OXR1: variants seen among roughly 807,000 people sequenced by gnomAD.
OXR1 encodes the protein oxidation resistance protein 1.
In OXR1, 41 loss-of-function variants were observed where a neutral mutation model predicts 104.6. The observed-to-expected ratio is 0.39, with a 90% CI of 0.31 to 0.51. The LOEUF (loss-of-function observed/expected upper bound fraction) is 0.51, where lower values mean the gene tolerates loss of function less well. OXR1 is among the 20% of genes least tolerant of loss of function. The pLI, the probability that OXR1 is intolerant of heterozygous loss-of-function variation, is 0.77. For missense variants in OXR1, 955 were observed against 1,031.9 expected, an observed-to-expected ratio of 0.93 and a Z score of 1.02; for synonymous variants, 348 against 348.4, an observed-to-expected ratio of 1.00 and a Z score of 0.01.
At chr8:106,721,109 A>C (rs1376841018) in intron 11 of OXR1, among the ~76,000 whole-genome samples, 2 of 151,984 alleles carry the variant, frequency 1.3e-5, no homozygotes, top group Non-Finnish European at 2.9e-5. Context: ...TCATTGTGTC[A>C]CATGTTCAGT....
At chr8:106,434,928 G>A (rs1031965863) in intron 2 of OXR1, among the ~76,000 whole-genome samples, 5 of 152,094 alleles carry the variant, frequency 3.3e-5, no homozygotes, top group Non-Finnish European at 5.9e-5. Context: ...GCGTTTCAAT[G>A]AGAGAGCATC....
At chr8:106,365,180 T>G (rs1237917682) in intron 2 of OXR1, among the ~76,000 whole-genome samples, 1 of 152,270 alleles carries the variant, frequency 6.6e-6, no homozygotes, top group Non-Finnish European at 1.5e-5. Context: ...TTCTAATTTT[T>G]TTTTAAAAGG....
intron 3 of OXR1, among the ~76,000 whole-genome samples, chr8:106,524,685 G>T (rs1232773493): frequency 6.6e-6 from 1 of 152,162 alleles, no homozygotes; most frequent in Non-Finnish European, 1.5e-5. Flanking sequence ...CGTATGCGTT[G>T]GGAAAGAGCG....
intron 1 of OXR1, among the ~76,000 whole-genome samples, chr8:106,288,619 T>C (rs1812607408): frequency 6.7e-6 from 1 of 148,600 alleles, no homozygotes; most frequent in Non-Finnish European, 1.5e-5. Flanking sequence ...TATATTTATA[T>C]ACACATACAT....
intron 6 of OXR1, among the ~76,000 whole-genome samples, chr8:106,689,326 G>T (rs1829052395): frequency 2.0e-5 from 3 of 151,928 alleles, no homozygotes; most frequent in Admixed American, 2.0e-4. Flanking sequence ...GTCTTCACAT[G>T]GTGGTCTCTT....
chr8:106,298,040 C>A (rs186917023), intron 1 of OXR1, among the ~76,000 whole-genome samples: 20 of 152,090 alleles, frequency 1.3e-4, no homozygotes, highest in Non-Finnish European at 2.6e-4. Context: ...CAATAAAATT[C>A]GGCTGGTAGT....
chr8:106,461,479 C>T (rs998951804), intron 2 of OXR1, among the ~76,000 whole-genome samples: 4 of 152,026 alleles, frequency 2.6e-5, no homozygotes, highest in Non-Finnish European at 4.4e-5. Flanking sequence ...GCAGGAGAAT[C>T]ACTTGAACCC....
Position 106,629,099 on chromosome 8 carries a change from C to T in OXR1, c.221-50111C>T, listed in dbSNP as rs181700548. ...TTTTACTTCATTCCTCTCCCCCACC[C>T]TCCAAACTTGAGAGATTGTCTTGCC... On this transcript the variant is annotated intron_variant, in intron 3 of 16. Coordinates refer to ENST00000517566, the MANE Select transcript of OXR1 (RefSeq NM_001198533.2). Among the ~76,000 whole-genome samples the T allele has an allele frequency of 1.3e-4, 20 of 152,280 alleles. No individual in the cohort carries two copies. In the East Asian group the frequency reaches 3.9e-3, roughly 29 times the overall value.
chr8:106,402,539 T>C (rs1042778828), intron 2 of OXR1, among the ~76,000 whole-genome samples: 6 of 152,214 alleles, frequency 3.9e-5, no homozygotes, highest in African/African-American at 1.4e-4. Flanking sequence ...TAAAACTTCA[T>C]TGGTCACCTG....
chr8:106,707,724 A>G (rs1831281581), intron 9 of OXR1: 1 of 155,504 alleles, frequency 6.4e-6, no homozygotes, highest in East Asian at 1.9e-4. Context: ...TGAAAATTAC[A>G]CTATTTTCAG....
At chr8:106,484,106 C>A (rs1037818776) in intron 2 of OXR1, among the ~76,000 whole-genome samples, 9 of 152,008 alleles carry the variant, frequency 5.9e-5, no homozygotes, top group Non-Finnish European at 1.3e-4. Context: ...AATGTCTGCT[C>A]TGTGAAAGAC....
At chr8:106,307,423 C>T (rs1813510541) in intron 1 of OXR1, among the ~76,000 whole-genome samples, 1 of 152,190 alleles carries the variant, frequency 6.6e-6, no homozygotes, top group Admixed American at 6.5e-5. Flanking sequence ...CCTCACACTC[C>T]TCATCCACCC....
chr8:106,406,018 A>C (rs1480315638), intron 2 of OXR1, among the ~76,000 whole-genome samples: 2 of 152,224 alleles, frequency 1.3e-5, no homozygotes, highest in Non-Finnish European at 2.9e-5. Flanking sequence ...AAAAGCATGA[A>C]TAGTCTGAAA....
chr8:106,740,543 C>T, intron 14 of OXR1, 48 bp downstream of exon 14: 4 of 1,459,910 alleles, frequency 2.7e-6, no homozygotes, highest in Non-Finnish European at 3.8e-6. Context: ...AGAGCAGTAA[C>T]AGTAACTTTT....
rs56755421 is a variant in OXR1 at position 106,672,322 on chromosome 8, GA to G, written c.221-6873del. Reference sequence around the variant, plus strand: ...GTGAAACTCTGTCTCTACTAAAAATGAAAAAAAAAAAAAAATTAGCTGGGGT... The same window carrying G: ...GTGAAACTCTGTCTCTACTAAAAATGAAAAAAAAAAAAAATTAGCTGGGGT... On this transcript the variant is annotated intron_variant, in intron 3 of 16. Transcript: ENST00000517566. Among the ~76,000 whole-genome samples, 747 of 136,622 alleles carry G rather than the reference GA, an allele frequency of 5.5e-3. 5 individuals carry two copies. The highest frequency in any genetic ancestry group is 5.8e-3 in the African/African-American group (222 of 37,956). The allele number at this position is 136,622 out of a possible 152,430, so 89.6% of individuals were successfully genotyped here.
At chr8:106,298,404 T>C (rs761433553) in intron 1 of OXR1, among the ~76,000 whole-genome samples, 46 of 152,118 alleles carry the variant, frequency 3.0e-4, no homozygotes, top group Non-Finnish European at 1.0e-4. Flanking sequence ...TTATTCACTA[T>C]CAAGATAATA....
chr8:106,710,650 G>T lies in OXR1; in HGVS notation c.1653G>T (p.Arg551Ser), dbSNP rs762521311. ...ESSALLKEKQRHRLHKFLCLR... is the reference protein window; with the variant it reads ...ESSALLKEKQSHRLHKFLCLR... Reference sequence around the variant, plus strand: ...CTGCACTTTTAAAAGAAAAGCAAAGGCATCGATTACATAAGTTCTTGTGTC... The same window carrying T: ...CTGCACTTTTAAAAGAAAAGCAAAGTCATCGATTACATAAGTTCTTGTGTC... Residue 551 changes from arginine (R) to serine (S), a missense_variant, in exon 10 of 17, where the codon AGG (arginine) becomes AGT (serine). By Grantham distance (110) the Arg-to-Ser change is moderately radical. Coordinates refer to ENST00000517566, the MANE Select transcript of OXR1 (RefSeq NM_001198533.2). 6.3e-7 allele frequency: 1 copy of T among 1,589,748 alleles called. No homozygotes were observed. The highest frequency in any genetic ancestry group is 8.6e-7 in the Non-Finnish European group (1 of 1,169,048).
chr8:106,544,724 G>C (rs1285000433), intron 3 of OXR1, among the ~76,000 whole-genome samples: 1 of 152,152 alleles, frequency 6.6e-6, no homozygotes, highest in East Asian at 1.9e-4. Context: ...TGGTTGTGTT[G>C]GAACAATTTG....
chr8:106,449,758 A>C (rs927444259), intron 2 of OXR1, among the ~76,000 whole-genome samples: 31 of 152,208 alleles, frequency 2.0e-4, no homozygotes, highest in African/African-American at 7.5e-4. Context: ...TACAAATAAA[A>C]GAAAAATCTT....
Sources: gnomAD v4.1 joint callset for allele counts (sites outside exome capture counted in the v4.1 genomes callset) on GRCh38, gnomAD v4.1.1 for gene constraint, MANE v1.5 for transcripts, NCBI Gene and HGNC (gene_info 2026-07-23, HGNC 2026-07-21) for gene names.